SGCZ: variants seen among roughly 807,000 people sequenced by gnomAD.
The protein encoded by SGCZ is zeta-sarcoglycan.
SGCZ carries 40 observed loss-of-function variants against 41.3 expected under a neutral mutation model. That is an observed-to-expected ratio of 0.97 (90% CI 0.75 to 1.26). The LOEUF (loss-of-function observed/expected upper bound fraction) is 1.26, where lower values mean the gene tolerates loss of function less well. Ranked by LOEUF, SGCZ falls within the 50% of genes most tolerant of loss-of-function variation. SGCZ has a pLI of 0.00. For synonymous variants in SGCZ, 206 were observed against 137.5 expected (o/e 1.50, Z -3.49); for missense variants, 552 against 369.8 (o/e 1.49, Z -4.04).
intron 2 of SGCZ, among the ~76,000 whole-genome samples, chr8:14,516,708 T>C (rs1802632018): frequency 6.6e-6 from 1 of 152,090 alleles, no homozygotes. Context: ...TTTTTCTTGT[T>C]CACCGTTGAC....
chr8:14,704,859 A>G (rs1809283060), intron 1 of SGCZ, among the ~76,000 whole-genome samples: 1 of 152,040 alleles, frequency 6.6e-6, no homozygotes, highest in African/African-American at 2.4e-5. Context: ...CATCACAAAT[A>G]TATTGGTAAG....
chr8:14,855,531 T>C (rs1421648326), intron 1 of SGCZ, among the ~76,000 whole-genome samples: 1 of 152,214 alleles, frequency 6.6e-6, no homozygotes, highest in Admixed American at 6.5e-5. Context: ...CTGCCTTGAC[T>C]AGAAGGTCAA....
chr8:14,154,111 C>G (rs925553795), intron 5 of SGCZ, among the ~76,000 whole-genome samples: 9 of 152,092 alleles, frequency 5.9e-5, no homozygotes, highest in African/African-American at 2.2e-4. Context: ...TGGCTCATGC[C>G]TGTAATCCCA....
At chr8:14,492,566 G>T (rs73190226) in intron 2 of SGCZ, among the ~76,000 whole-genome samples, 1 of 152,044 alleles carries the variant, frequency 6.6e-6, no homozygotes, top group Non-Finnish European at 1.5e-5. Context: ...ACGAAGAAAA[G>T]TGAAAGCTTT....
At chr8:14,886,028 TATATATA>T (rs1804790556) in intron 1 of SGCZ, among the ~76,000 whole-genome samples, 1 of 110,122 alleles carries the variant, frequency 9.1e-6, no homozygotes, top group Non-Finnish European at 2.0e-5. Flanking sequence ...TATATATATA[TATATATA>T]AAATTGTATA....
chr8:14,409,756 T>C (rs1055756643), intron 2 of SGCZ, among the ~76,000 whole-genome samples: 1 of 152,172 alleles, frequency 6.6e-6, no homozygotes, highest in Non-Finnish European at 1.5e-5. Flanking sequence ...TAAAATCTAC[T>C]GATATACATA....
At chr8:14,486,619 GC>G (rs1801683289) in intron 2 of SGCZ, among the ~76,000 whole-genome samples, 1 of 152,182 alleles carries the variant, frequency 6.6e-6, no homozygotes, top group Non-Finnish European at 1.5e-5. Flanking sequence ...TGCTGCCCAG[GC>G]TGAAGTGCCA....
At chr8:14,814,922 A>AT (rs1801855793) in intron 1 of SGCZ, among the ~76,000 whole-genome samples, 1 of 152,110 alleles carries the variant, frequency 6.6e-6, no homozygotes, top group Non-Finnish European at 1.5e-5. Flanking sequence ...ATCCTAATTA[A>AT]TGTTTGCTGT....
At chr8:14,310,581 G>C (rs887859790) in intron 3 of SGCZ, among the ~76,000 whole-genome samples, 9 of 151,876 alleles carry the variant, frequency 5.9e-5, no homozygotes, top group African/African-American at 1.9e-4. Context: ...TATTACTTAG[G>C]TTATTTTGCT....
chr8:15,186,006 C>A (rs557053924), intron 1 of SGCZ, among the ~76,000 whole-genome samples: 4 of 150,352 alleles, frequency 2.7e-5, no homozygotes, highest in Non-Finnish European at 5.9e-5. Flanking sequence ...GGGCAGATCA[C>A]GAGGTCAGGA....
intron 6 of SGCZ, among the ~76,000 whole-genome samples, chr8:14,103,217 A>C (rs2116986216): frequency 6.6e-6 from 1 of 152,334 alleles, no homozygotes; most frequent in South Asian, 2.1e-4. Flanking sequence ...CAAGTGTTTT[A>C]GACAGTCAGA....
chr8:14,870,709 G>C (rs982926387), intron 1 of SGCZ, among the ~76,000 whole-genome samples: 2 of 150,614 alleles, frequency 1.3e-5, no homozygotes, highest in Middle Eastern at 3.2e-3. Context: ...CTAATATACA[G>C]AATCTTAAAC....
chr8:14,764,169 C>T (rs1799971915), intron 1 of SGCZ, among the ~76,000 whole-genome samples: 1 of 152,160 alleles, frequency 6.6e-6, no homozygotes, highest in Non-Finnish European at 1.5e-5. Flanking sequence ...GACAAAGAGA[C>T]TGAGATTTTT....
At chr8:14,435,806 C>T (rs1189642410) in intron 2 of SGCZ, among the ~76,000 whole-genome samples, 4 of 152,154 alleles carry the variant, frequency 2.6e-5, no homozygotes, top group African/African-American at 9.7e-5. Context: ...CTACACAATA[C>T]TCAATCATCG....
intron 1 of SGCZ, among the ~76,000 whole-genome samples, chr8:14,721,321 G>A (rs1008603406): frequency 1.3e-5 from 2 of 152,066 alleles, no homozygotes; most frequent in African/African-American, 4.8e-5. Flanking sequence ...GTATCCAGCT[G>A]CCTCATGGAC....
chr8:14,570,546 T>C (rs2117229792), intron 1 of SGCZ, among the ~76,000 whole-genome samples: 1 of 152,348 alleles, frequency 6.6e-6, no homozygotes, highest in Non-Finnish European at 1.5e-5. Context: ...TATTTTTTCA[T>C]AGAGCTTTTC....
chr8:14,367,283 T>C (rs1314175139), intron 2 of SGCZ, among the ~76,000 whole-genome samples: 1 of 152,058 alleles, frequency 6.6e-6, no homozygotes, highest in Non-Finnish European at 1.5e-5. Flanking sequence ...ATATCACTAT[T>C]AGCATTTTGG....
At chr8:14,522,879 T>A (rs1304724417) in intron 2 of SGCZ, among the ~76,000 whole-genome samples, 2 of 151,944 alleles carry the variant, frequency 1.3e-5, no homozygotes, top group African/African-American at 4.8e-5. Context: ...CTTCTCAATA[T>A]TATTTTAATG....
intron 1 of SGCZ, among the ~76,000 whole-genome samples, chr8:15,228,153 C>G (rs979842430): frequency 6.6e-6 from 1 of 152,106 alleles, no homozygotes; most frequent in Non-Finnish European, 1.5e-5. Flanking sequence ...ATAAATGAAA[C>G]AAATACGTAT....
Sources: allele counts gnomAD v4.1 joint callset (sites outside exome capture counted in the v4.1 genomes callset), GRCh38; gene constraint gnomAD v4.1.1; transcripts MANE v1.5; gene names NCBI Gene and HGNC (gene_info 2026-07-23, HGNC 2026-07-21).